Variants in SORCS3 observed in about 807,000 individuals in gnomAD.
The protein encoded by SORCS3 is sortilin related VPS10 domain containing receptor 3.
Under a neutral mutation model 146.3 loss-of-function variants are expected in SORCS3, and 57 were observed. The ratio of observed to expected loss-of-function variants is 0.39; its 90% CI spans 0.31 to 0.49. SORCS3 has a LOEUF of 0.49. SORCS3 is among the 20% of genes least tolerant of loss of function. SORCS3 has a pLI of 0.92. For missense variants in SORCS3, 1,341 were observed against 1,575.5 expected, an observed-to-expected ratio of 0.85 and a Z score of 2.52; for synonymous variants, 653 against 618.5, an observed-to-expected ratio of 1.06 and a Z score of -0.83.
chr10:105,005,885 T>C (rs1166105338), intron 4 of SORCS3, among the ~76,000 whole-genome samples: 1 of 152,170 alleles, frequency 6.6e-6, no homozygotes, highest in Non-Finnish European at 1.5e-5. Flanking sequence ...CACTCTAAAA[T>C]TTAGCACCGG....
At chr10:104,862,371 GC>G (rs1421325212) in intron 2 of SORCS3, among the ~76,000 whole-genome samples, 6 of 152,180 alleles carry the variant, frequency 3.9e-5, no homozygotes, top group Admixed American at 2.6e-4. Context: ...CAGAGGACAA[GC>G]CCTGTGGAGT....
At chr10:104,755,141 G>A (rs776835016) in intron 1 of SORCS3, among the ~76,000 whole-genome samples, 6 of 152,136 alleles carry the variant, frequency 3.9e-5, no homozygotes, top group Non-Finnish European at 7.4e-5. Flanking sequence ...AGGAGAGGAG[G>A]CAGGCAGAGG....
intron 1 of SORCS3, among the ~76,000 whole-genome samples, chr10:104,815,790 A>T (rs1360380233): frequency 6.6e-6 from 1 of 152,232 alleles, no homozygotes; most frequent in Non-Finnish European, 1.5e-5. Context: ...ATCAGTGGAC[A>T]CATATGTATT....
At chr10:105,198,061 A>G (rs1246356056) in intron 14 of SORCS3, among the ~76,000 whole-genome samples, 6 of 152,120 alleles carry the variant, frequency 3.9e-5, no homozygotes, top group Non-Finnish European at 5.9e-5. Context: ...TATTTTCTCA[A>G]TCTTTTTGTC....
At chr10:104,767,301 A>G (rs1360934608) in intron 1 of SORCS3, among the ~76,000 whole-genome samples, 1 of 152,180 alleles carries the variant, frequency 6.6e-6, no homozygotes, top group Non-Finnish European at 1.5e-5. Context: ...CAGCAATGGA[A>G]AAAATGACCT....
At chr10:105,050,595 A>G (rs1202541487) in intron 5 of SORCS3, among the ~76,000 whole-genome samples, 2 of 152,082 alleles carry the variant, frequency 1.3e-5, no homozygotes, top group Non-Finnish European at 2.9e-5. Context: ...CCTGGCAAAC[A>G]CTTTGATAGA....
At chr10:104,667,309 A>G (rs536748431) in intron 1 of SORCS3, among the ~76,000 whole-genome samples, 1 of 125,962 alleles carries the variant, frequency 7.9e-6, no homozygotes, top group African/African-American at 2.5e-5. Context: ...TTCTCTGCCT[A>G]TGCCCCATCT....
intron 1 of SORCS3, among the ~76,000 whole-genome samples, chr10:104,833,894 A>G (rs193263009): frequency 4.6e-5 from 7 of 152,314 alleles, no homozygotes; most frequent in Admixed American, 4.6e-4. Flanking sequence ...TCTAAAGCTC[A>G]ACTTTTAATC....
At chr10:105,031,471 A>G (rs2055267527) in intron 4 of SORCS3, among the ~76,000 whole-genome samples, 1 of 152,192 alleles carries the variant, frequency 6.6e-6, no homozygotes, top group African/African-American at 2.4e-5. Context: ...CAAAAATTAT[A>G]TATCTAAAGG....
intron 20 of SORCS3, among the ~76,000 whole-genome samples, chr10:105,242,945 ATATG>A (rs1320465185): frequency 3.3e-5 from 4 of 120,788 alleles, no homozygotes; most frequent in African/African-American, 1.3e-4. Context: ...TATATATAAT[ATATG>A]ATATATATTA....
At chr10:105,201,923 C>G (rs1343254089) in intron 16 of SORCS3, among the ~76,000 whole-genome samples, 2 of 152,120 alleles carry the variant, frequency 1.3e-5, no homozygotes, top group Non-Finnish European at 2.9e-5. Flanking sequence ...CCCAGTTTTT[C>G]TAATTTCAAT....
At chr10:105,091,518 GTTCC>G (rs1197065963) in intron 6 of SORCS3, among the ~76,000 whole-genome samples, 1 of 37,806 alleles carries the variant, frequency 2.6e-5, no homozygotes, top group Non-Finnish European at 5.1e-5. Context: ...TCCTTCCTTC[GTTCC>G]TTCCTTCCTT....
chr10:104,724,981 A>C (rs1249807340), intron 1 of SORCS3, among the ~76,000 whole-genome samples: 1 of 152,122 alleles, frequency 6.6e-6, no homozygotes, highest in Non-Finnish European at 1.5e-5. Flanking sequence ...CAACTCGTCA[A>C]AGTCATTCTC....
At position 104,944,560 on chromosome 10, in the gene SORCS3, A is replaced by G. The variant is rs374225186; in HGVS notation, c.795+28628A>G. Among the ~76,000 whole-genome samples, 23 of 152,360 alleles carry G rather than the reference A, an allele frequency of 1.5e-4. No homozygotes were observed. In the East Asian group the frequency reaches 2.3e-3, roughly 15 times the overall value. On this transcript the variant is annotated intron_variant, in intron 3 of 26. Coordinates refer to ENST00000369701, the MANE Select transcript of SORCS3 (RefSeq NM_014978.3). ...AAAATGGGCAGAAGACTTAACAGAC[A>G]TTTCACCACAGAAGGTATCTTAATG...
chr10:105,077,539 C>T (rs1317640372), intron 5 of SORCS3, among the ~76,000 whole-genome samples: 1 of 101,660 alleles, frequency 9.8e-6, no homozygotes, highest in East Asian at 3.1e-4. Flanking sequence ...CACACACACA[C>T]ACACACACAC....
chr10:104,693,490 C>A (rs2016138256), intron 1 of SORCS3, among the ~76,000 whole-genome samples: 1 of 152,168 alleles, frequency 6.6e-6, no homozygotes, highest in Non-Finnish European at 1.5e-5. Flanking sequence ...CAATATACTG[C>A]ACTTTCTTTC....
intron 1 of SORCS3, among the ~76,000 whole-genome samples, chr10:104,832,573 C>T (rs1431202134): frequency 6.6e-6 from 1 of 152,072 alleles, no homozygotes; most frequent in Admixed American, 6.6e-5. Flanking sequence ...CAAAAATTAC[C>T]CAGGCATGGT....
At position 104,912,441 on chromosome 10, in the gene SORCS3, G is replaced by A. The variant is rs372938377; in HGVS notation, c.696-3392G>A. Reference sequence around the variant, plus strand: ...GCTCAGGGTGATTTGTCATTTAACCGTAATTCTACTACAAGTGAATTACAG... The same window carrying A: ...GCTCAGGGTGATTTGTCATTTAACCATAATTCTACTACAAGTGAATTACAG... On this transcript the variant is annotated intron_variant, in intron 2 of 26. Coordinates refer to ENST00000369701, the MANE Select transcript of SORCS3 (RefSeq NM_014978.3). Among the ~76,000 whole-genome samples the A allele has an allele frequency of 1.2e-4, 19 of 152,296 alleles. No homozygotes were observed. The East Asian group carries it at 1.7e-3, about 14-fold the overall frequency.
At chr10:104,808,965 T>C (rs1378290822) in intron 1 of SORCS3, among the ~76,000 whole-genome samples, 1 of 152,144 alleles carries the variant, frequency 6.6e-6, no homozygotes, top group Non-Finnish European at 1.5e-5. Context: ...AATCAACCCA[T>C]TGATTGCGTT....
Sources: gnomAD v4.1 joint callset for allele counts (sites outside exome capture counted in the v4.1 genomes callset) on GRCh38, gnomAD v4.1.1 for gene constraint, MANE v1.5 for transcripts, NCBI Gene and HGNC (gene_info 2026-07-23, HGNC 2026-07-21) for gene names.